Variants in ATRNL1 observed in about 807,000 individuals in gnomAD.
The protein encoded by ATRNL1 is attractin-like protein 1.
Under a neutral mutation model 182.7 loss-of-function variants are expected in ATRNL1, and 95 were observed. The ratio of observed to expected loss-of-function variants is 0.52; its 90% CI spans 0.44 to 0.62. The LOEUF (loss-of-function observed/expected upper bound fraction) is 0.62, where lower values mean the gene tolerates loss of function less well. Among genes scored for constraint, ATRNL1 ranks in the 20% least tolerant of loss-of-function variants. The probability of loss-of-function intolerance (pLI) is 0.00; values close to 1 mark genes in which losing one functional copy is unlikely to be tolerated. For missense variants in ATRNL1, 1,471 were observed against 1,679.5 expected, an observed-to-expected ratio of 0.88 and a Z score of 2.17; for synonymous variants, 576 against 568.3, an observed-to-expected ratio of 1.01 and a Z score of -0.19.
chr10:115,151,637 C>G (rs979249499), intron 5 of ATRNL1, among the ~76,000 whole-genome samples: 45 of 152,022 alleles, frequency 3.0e-4, no homozygotes, highest in African/African-American at 8.9e-4. Context: ...CAGATGAGTA[C>G]ATTGCAAAAA....
intron 10 of ATRNL1, among the ~76,000 whole-genome samples, chr10:115,251,009 C>G (rs1554905253): frequency 1.3e-5 from 2 of 152,160 alleles, no homozygotes; most frequent in Admixed American, 6.5e-5. Context: ...TGAATGCAAA[C>G]TATTTTTGAT....
In ATRNL1 at chr10:115,715,959, T is replaced by A. The variant is rs1357771600; in HGVS notation, c.3796-11289T>A. ...ATGAGCCTGTGACTTTCTCACCTTC[T>A]GATTTTTGTGGTTTAACACATTGTT... On this transcript the variant is annotated intron_variant, in intron 26 of 28. Coordinates refer to ENST00000355044, the MANE Select transcript of ATRNL1 (RefSeq NM_207303.4). Among the ~76,000 whole-genome samples the A allele has an allele frequency of 2.6e-5, 4 of 152,228 alleles. No homozygotes were observed. In the East Asian group the frequency reaches 7.7e-4, roughly 29 times the overall value.
At chr10:115,423,779 T>C (rs1845753853) in intron 20 of ATRNL1, among the ~76,000 whole-genome samples, 1 of 152,050 alleles carries the variant, frequency 6.6e-6, no homozygotes, top group Non-Finnish European at 1.5e-5. Flanking sequence ...TCAAAATGGA[T>C]TAAAGATTTA....
At chr10:115,927,240 T>C (rs910989912) in intron 28 of ATRNL1, among the ~76,000 whole-genome samples, 31 of 151,796 alleles carry the variant, frequency 2.0e-4, no homozygotes, top group African/African-American at 7.5e-4. Flanking sequence ...AGCTCTCAGG[T>C]ATTGATGGAA....
chr10:115,252,772 C>T, intron 10 of ATRNL1, among the ~76,000 whole-genome samples: 1 of 152,132 alleles, frequency 6.6e-6, no homozygotes. Flanking sequence ...TTATCTTTTT[C>T]TAGAGCTCAC....
rs1851629912 is a variant in ATRNL1, at chr10:115,266,868, G to T, written c.1844G>T (p.Cys615Phe). The T allele has an allele frequency of 6.2e-7, 1 of 1,612,142 alleles. No homozygotes were observed. Among genetic ancestry groups the T allele is most frequent in the Non-Finnish European group, 8.5e-7 (1 of 1,178,712 alleles). ...ATCCTTGTATACAAGCCTCCAAATT[G>T]CAAGGCTTTCAGAGATGAAGAACTT... ...NDILVYKPPN[C>F]KAFRDEELCK... Residue 615 changes from cysteine (C) to phenylalanine (F), a missense_variant, in exon 12 of 29, where the codon TGC (cysteine) becomes TTC (phenylalanine). Physicochemically the swap from Cys to Phe is radical, Grantham distance 205. This residue lies in a region of ATRNL1 where 1,031 missense variants were observed against 1,156.0 expected (regional missense o/e 0.89). Coordinates refer to ENST00000355044, the MANE Select transcript of ATRNL1 (RefSeq NM_207303.4).
At chr10:115,744,072 G>T (rs2907544) in intron 27 of ATRNL1, among the ~76,000 whole-genome samples, 149,679 of 152,134 alleles carry the variant, frequency 0.98, 73,673 homozygotes, top group Middle Eastern at 1. Flanking sequence ...GTTAGAAGAA[G>T]CATTCTTTCA....
chr10:115,674,121 C>T (rs1555042221), intron 26 of ATRNL1, among the ~76,000 whole-genome samples: 1 of 151,994 alleles, frequency 6.6e-6, no homozygotes, highest in Non-Finnish European at 1.5e-5. Context: ...AATATATTGC[C>T]ACAGAGACAA....
intron 25 of ATRNL1, among the ~76,000 whole-genome samples, chr10:115,532,145 G>C (rs1378704132): frequency 6.6e-6 from 1 of 151,980 alleles, no homozygotes; most frequent in Non-Finnish European, 1.5e-5. Context: ...TTTTAAAGTA[G>C]TTTTTTCCAA....
chr10:115,453,117 ATGTCT>A (rs1455755865), intron 21 of ATRNL1, among the ~76,000 whole-genome samples: 11 of 152,100 alleles, frequency 7.2e-5, no homozygotes, highest in Non-Finnish European at 1.3e-4. Flanking sequence ...GGTTGCTTCC[ATGTCT>A]TGTCTATTGA....
chr10:115,383,126 T>TC lies in ATRNL1; in HGVS notation c.3176-11533_3176-11532insC, dbSNP rs564960266. On this transcript the variant is annotated intron_variant, in intron 19 of 28. Coordinates refer to ENST00000355044, the MANE Select transcript of ATRNL1 (RefSeq NM_207303.4). The stretch of plus-strand genomic sequence containing the variant: ...TTTTTGTTTGTTTTTCTTTTTTTTT[T>TC]TCTCTCTCTACTGGTCTTTTTCCTT... Among the ~76,000 whole-genome samples the TC allele has an allele frequency of 3.0e-4, 45 of 151,824 alleles. 1 individual carries two copies. The highest frequency in any genetic ancestry group is 6.0e-4 in the African/African-American group (25 of 41,532).
At chr10:115,572,887 G>A (rs1592872791) in intron 26 of ATRNL1, among the ~76,000 whole-genome samples, 1 of 152,148 alleles carries the variant, frequency 6.6e-6, no homozygotes, top group Admixed American at 6.5e-5. Flanking sequence ...AGCTCAAACT[G>A]CTTGAGGGAG....
chr10:115,303,416 G>C (rs2133982830), intron 17 of ATRNL1, among the ~76,000 whole-genome samples: 2 of 151,754 alleles, frequency 1.3e-5, no homozygotes, highest in South Asian at 4.2e-4. Context: ...TTAGAGATGG[G>C]GTTTCACTGT....
chr10:115,826,023 TG>T (rs1555091874), intron 27 of ATRNL1, among the ~76,000 whole-genome samples: 1 of 152,222 alleles, frequency 6.6e-6, no homozygotes, highest in East Asian at 1.9e-4. Context: ...ATTAAGCTTT[TG>T]GTCATTTAGT....
At chr10:115,403,826 G>A (rs1222266134) in intron 20 of ATRNL1, among the ~76,000 whole-genome samples, 4 of 152,262 alleles carry the variant, frequency 2.6e-5, no homozygotes, top group African/African-American at 9.6e-5. Flanking sequence ...AAGACTAATG[G>A]TTTCTTTGTG....
chr10:115,715,710 T>C (rs111857231), intron 26 of ATRNL1, among the ~76,000 whole-genome samples: 12,011 of 152,248 alleles, frequency 0.079, 625 homozygotes, highest in Admixed American at 0.11. Flanking sequence ...ATGAAAAATG[T>C]ATAATAAATA....
At chr10:115,411,935 T>C (rs1039991256) in intron 20 of ATRNL1, among the ~76,000 whole-genome samples, 1 of 152,150 alleles carries the variant, frequency 6.6e-6, no homozygotes, top group Non-Finnish European at 1.5e-5. Flanking sequence ...ATATTGACCA[T>C]TAATTATCTA....
intron 28 of ATRNL1, among the ~76,000 whole-genome samples, chr10:115,888,608 A>G (rs1555110385): frequency 6.6e-6 from 1 of 152,208 alleles, no homozygotes; most frequent in South Asian, 2.1e-4. Context: ...TCCTCTTATA[A>G]GGTACTTATT....
intron 5 of ATRNL1, among the ~76,000 whole-genome samples, chr10:115,148,108 T>A (rs921624357): frequency 6.6e-6 from 1 of 152,226 alleles, no homozygotes; most frequent in African/African-American, 2.4e-5. Flanking sequence ...CATTTGTTTG[T>A]GTCCTCTTCA....
Sources: allele counts gnomAD v4.1 joint callset (sites outside exome capture counted in the v4.1 genomes callset), GRCh38; gene constraint gnomAD v4.1.1; regional missense constraint gnomAD v4.1.1; transcripts MANE v1.5; gene names NCBI Gene and HGNC (gene_info 2026-07-23, HGNC 2026-07-21).